Variants in TMEM268 observed in about 807,000 individuals in gnomAD.
The protein encoded by TMEM268 is transmembrane protein 268.
In TMEM268, 24 loss-of-function variants were observed where a neutral mutation model predicts 39.1. The ratio of observed to expected loss-of-function variants is 0.61; its 90% CI spans 0.44 to 0.86. The LOEUF is 0.86. Ranked by LOEUF, TMEM268 falls within the 40% of genes least tolerant of loss-of-function variation. The pLI, the probability that TMEM268 is intolerant of heterozygous loss-of-function variation, is 0.00. For missense variants in TMEM268, 409 were observed against 428.6 expected, an observed-to-expected ratio of 0.95 and a Z score of 0.40; for synonymous variants, 176 against 173.5, an observed-to-expected ratio of 1.01 and a Z score of -0.12.
At position 114,611,554 on chromosome 9, in the gene TMEM268, CG is replaced by C; in HGVS notation, c.-87del. ...GGGGTGGCGGCGGCGGCGGCGGCGG[CG>C]GCGCGGGCGGTGAGTGTGCGCGGGC... On this transcript the variant is annotated 5_prime_UTR_variant, in exon 1 of 9. Coordinates refer to ENST00000288502, the MANE Select transcript of TMEM268 (RefSeq NM_153045.4). 1 of 167,714 alleles carries C rather than the reference CG, an allele frequency of 6.0e-6. No homozygotes were observed. Among genetic ancestry groups the C allele is most frequent in the Non-Finnish European group, 1.2e-5 (1 of 82,714 alleles). 10.4% of individuals were successfully genotyped at this position (167,714 alleles called of 1,614,324 possible). A position where few individuals can be genotyped will look rare whatever the true frequency, so the allele number is the denominator to read the frequency against.
chr9:114,638,839 A>G, intron 8 of TMEM268, 113 bp downstream of exon 8: 1 of 696,244 alleles, frequency 1.4e-6, no homozygotes, highest in South Asian at 3.1e-5. Context: ...CAGTTAGTAG[A>G]CACCACACAA....
intron 3 of TMEM268, among the ~76,000 whole-genome samples, chr9:114,624,795 A>C (rs1490811413): frequency 6.6e-6 from 1 of 152,252 alleles, no homozygotes; most frequent in East Asian, 1.9e-4. Flanking sequence ...TAAATGCCAC[A>C]GAAGAGGAAT....
At chr9:114,627,395 G>A (rs1200310974) in intron 4 of TMEM268, among the ~76,000 whole-genome samples, 1 of 152,064 alleles carries the variant, frequency 6.6e-6, no homozygotes, top group African/African-American at 2.4e-5. Context: ...ACATATATAT[G>A]TGTGTATACA....
At chr9:114,610,852 G>C (rs1371731060), upstream of TMEM268, among the ~76,000 whole-genome samples, 1 of 152,202 alleles carries the variant, frequency 6.6e-6, no homozygotes, top group African/African-American at 2.4e-5. Context: ...AAGAAGTGGA[G>C]AGACCCGAAT....
chr9:114,638,710 C>T lies in TMEM268; in HGVS notation c.833C>T (p.Pro278Leu). 1 of 1,587,298 alleles carries T rather than the reference C, an allele frequency of 6.3e-7. No homozygotes were observed. Among genetic ancestry groups the T allele is most frequent in the Non-Finnish European group, 8.6e-7 (1 of 1,167,390 alleles). The change falls in exon 8 of 9, where the codon CCT becomes CTT. Residue 278 changes from proline to leucine, a missense_variant. Physicochemically the swap from Pro to Leu is moderately conservative, Grantham distance 98 (BLOSUM62 -3). Coordinates refer to ENST00000288502, the MANE Select transcript of TMEM268 (RefSeq NM_153045.4). ...LMQTELHQLVPEAEPEEMARQ... is the reference protein window; with the variant it reads ...LMQTELHQLVLEAEPEEMARQ... ...CAGACTGAGCTTCATCAGCTTGTTCCTGAGGCTGAGCCGGAGGTAACAGGC... is the reference window on the plus strand; with the variant it reads ...CAGACTGAGCTTCATCAGCTTGTTCTTGAGGCTGAGCCGGAGGTAACAGGC...
At chr9:114,608,187 G>T (rs1748082052), upstream of TMEM268, among the ~76,000 whole-genome samples, 1 of 152,202 alleles carries the variant, frequency 6.6e-6, no homozygotes, top group African/African-American at 2.4e-5. Context: ...TGACATTTCA[G>T]AGATGCAAAC....
At chr9:114,622,996 A>T (rs1846007636) in intron 2 of TMEM268, among the ~76,000 whole-genome samples, 1 of 152,054 alleles carries the variant, frequency 6.6e-6, no homozygotes, top group Admixed American at 6.5e-5. Context: ...AGGCTGAGGC[A>T]CAAGAATCAC....
At chr9:114,624,115 G>C in intron 2 of TMEM268, 1 of 675,584 alleles carries the variant, frequency 1.5e-6, no homozygotes, top group Non-Finnish European at 2.1e-6. Flanking sequence ...TTCCTTATAT[G>C]GTCTCACATT....
upstream of TMEM268, among the ~76,000 whole-genome samples, chr9:114,609,725 GAAAAA>G (rs765605777): frequency 5.8e-5 from 5 of 85,872 alleles, no homozygotes; most frequent in South Asian, 8.0e-4. Flanking sequence ...AAAAGAAAAA[GAAAAA>G]GAAGGAAGGA....
At chr9:114,613,628 G>A (rs1455960502) in intron 1 of TMEM268, among the ~76,000 whole-genome samples, 1 of 152,232 alleles carries the variant, frequency 6.6e-6, no homozygotes, top group Non-Finnish European at 1.5e-5. Context: ...AGAGTCTCCT[G>A]CTGTGGGCCA....
chr9:114,642,231 T>G (rs1417686354), intron 8 of TMEM268, among the ~76,000 whole-genome samples: 1 of 152,200 alleles, frequency 6.6e-6, no homozygotes, highest in Non-Finnish European at 1.5e-5. Context: ...AACCACCATT[T>G]TACTTTCTCT....
rs754273572 is a variant in TMEM268, at chr9:114,636,969, C to G, written c.586-21C>G. On this transcript the variant is annotated intron_variant, in intron 6 of 8. Coordinates refer to ENST00000288502, the MANE Select transcript of TMEM268 (RefSeq NM_153045.4). ...TGGGCTGCCCTTGAGCCACGGTGGT[C>G]ACTGCTGCTTCTCCCCACAGCTTTG... The G allele has an allele frequency of 4.4e-6, 7 of 1,586,764 alleles. No individual in the cohort carries two copies. In the South Asian group the frequency reaches 7.8e-5, roughly 18 times the overall value.
chr9:114,643,458 G>A lies in TMEM268; in HGVS notation c.*145G>A, dbSNP rs1199288251. On this transcript the variant is annotated 3_prime_UTR_variant, in exon 9 of 9. Transcript: ENST00000288502. ...GGGGCCTGTGATGTCAGCCACTGGG[G>A]TGTTGTGCTCACTTCAGGGCCCAGC... 4 of 681,322 alleles carry A rather than the reference G, an allele frequency of 5.9e-6. No homozygotes were observed. In the East Asian group the frequency reaches 8.1e-5, roughly 14 times the overall value. 42.2% of individuals were successfully genotyped at this position (681,322 alleles called of 1,614,324 possible). A position where few individuals can be genotyped will look rare whatever the true frequency, so the allele number is the denominator to read the frequency against.
At chr9:114,613,933 C>T (rs117749266) in intron 1 of TMEM268, among the ~76,000 whole-genome samples, 3,681 of 152,268 alleles carry the variant, frequency 0.024, 79 homozygotes, top group East Asian at 0.08. Flanking sequence ...AGTCACTTTA[C>T]ATCTTTGACC....
intron 2 of TMEM268, chr9:114,621,997 G>A (rs1845965627): frequency 3.2e-6 from 2 of 631,366 alleles, no homozygotes; most frequent in Non-Finnish European, 3.9e-6. Context: ...AGAAGTAAAG[G>A]TAGGTTTGCA....
At chr9:114,640,814 T>C (rs143153864) in intron 8 of TMEM268, among the ~76,000 whole-genome samples, 187 of 152,324 alleles carry the variant, frequency 1.2e-3, no homozygotes, top group African/African-American at 4.4e-3. Flanking sequence ...TGGAAAGATA[T>C]TGATGCCATT....
rs373955876 is a variant in TMEM268 at position 114,624,259 on chromosome 9, C to T, written c.107-91C>T. 3 of 1,526,260 alleles carry T rather than the reference C, an allele frequency of 2.0e-6. No individual in the cohort carries two copies. In the Admixed American group the frequency reaches 6.1e-5, roughly 31 times the overall value. The allele number at this position is 1,526,260 out of a possible 1,614,324, so 94.5% of individuals were successfully genotyped here. ...CCTTGTTGCGAGGAGGTTCTCATGG[C>T]CAGAGGTGTGATGCCGCCAGGCTTC... On this transcript the variant is annotated intron_variant, in intron 2 of 8. Coordinates refer to ENST00000288502, the MANE Select transcript of TMEM268 (RefSeq NM_153045.4).
At chr9:114,638,457 C>A in intron 7 of TMEM268, 87 bp from the exon 8 acceptor site, 2 of 1,013,368 alleles carry the variant, frequency 2.0e-6, no homozygotes, top group Non-Finnish European at 2.8e-6. Flanking sequence ...TCATCTTCTG[C>A]TCGGTCTGCA....
chr9:114,628,840 C>T (rs1012038758), intron 5 of TMEM268, among the ~76,000 whole-genome samples: 6 of 152,174 alleles, frequency 3.9e-5, no homozygotes, highest in Non-Finnish European at 8.8e-5. Context: ...TGATCATGTT[C>T]CGAAAGGAGG....
Sources: allele counts gnomAD v4.1 joint callset (sites outside exome capture counted in the v4.1 genomes callset), GRCh38; gene constraint gnomAD v4.1.1; transcripts MANE v1.5; gene names NCBI Gene and HGNC (gene_info 2026-07-23, HGNC 2026-07-21).